Variants in NEGR1 observed in about 807,000 individuals in gnomAD.
NEGR1 encodes the protein IgLON family member 4.
Under a neutral mutation model 40.9 loss-of-function variants are expected in NEGR1, and 10 were observed. The ratio of observed to expected loss-of-function variants is 0.24; its 90% CI spans 0.15 to 0.42. NEGR1 has a LOEUF of 0.42. NEGR1 is among the 10% of genes least tolerant of loss of function. NEGR1 has a pLI of 1.00. For synonymous variants in NEGR1, 185 were observed against 166.8 expected, an observed-to-expected ratio of 1.11 and a Z score of -0.84; for missense variants, 352 against 438.9, an observed-to-expected ratio of 0.80 and a Z score of 1.77.
intron 1 of NEGR1, among the ~76,000 whole-genome samples, chr1:72,163,569 A>G (rs1651664980): frequency 6.6e-6 from 1 of 152,106 alleles, no homozygotes; most frequent in Non-Finnish European, 1.5e-5. Flanking sequence ...TAGGCTCAGT[A>G]TAGATTTAGT....
At chr1:71,690,132 T>A (rs921308771) in intron 4 of NEGR1, among the ~76,000 whole-genome samples, 2 of 151,982 alleles carry the variant, frequency 1.3e-5, no homozygotes, top group Admixed American at 1.3e-4. Flanking sequence ...CACACACATA[T>A]ACACATACAC....
intron 1 of NEGR1, among the ~76,000 whole-genome samples, chr1:72,015,918 A>C (rs1369706735): frequency 6.6e-6 from 1 of 152,132 alleles, no homozygotes; most frequent in Non-Finnish European, 1.5e-5. Context: ...AAGATACCTA[A>C]TCAGTCCTAA....
chr1:71,466,510 A>G (rs1169618437), intron 6 of NEGR1, among the ~76,000 whole-genome samples: 1 of 152,118 alleles, frequency 6.6e-6, no homozygotes, highest in Non-Finnish European at 1.5e-5. Flanking sequence ...GATATGCACT[A>G]TGAAAACAAT....
chr1:71,914,585 C>G (rs1242117306), intron 2 of NEGR1, among the ~76,000 whole-genome samples: 1 of 152,206 alleles, frequency 6.6e-6, no homozygotes, highest in African/African-American at 2.4e-5. Context: ...AGCCCCTTCT[C>G]TCTTTCCTAG....
chr1:71,417,127 T>C (rs1247318616), intron 6 of NEGR1, among the ~76,000 whole-genome samples: 2 of 152,236 alleles, frequency 1.3e-5, no homozygotes, highest in African/African-American at 4.8e-5. Flanking sequence ...AAGTCCTCTT[T>C]TCTCCTACAG....
chr1:72,110,221 TAAA>T lies in NEGR1; in HGVS notation c.176+172095_176+172097del, dbSNP rs57618301. On this transcript the variant is annotated intron_variant, in intron 1 of 6. Transcript: ENST00000357731. Reference sequence around the variant, plus strand: ...ATGTACCCTAAAACTTAGAGTATAATAAAAAAAAAAAAAAAAAAAAAGAATTGT... The same window carrying T: ...ATGTACCCTAAAACTTAGAGTATAATAAAAAAAAAAAAAAAAAAGAATTGT... 6.5e-3 allele frequency among the ~76,000 whole-genome samples: 696 copies of T among 106,952 alleles called. 5 individuals are homozygous for T. Among genetic ancestry groups the T allele is most frequent in the African/African-American group, 0.021 (638 of 30,166 alleles). 70.2% of individuals were successfully genotyped at this position (106,952 alleles called of 152,430 possible).
At chr1:71,655,044 G>T (rs1035708987) in intron 4 of NEGR1, among the ~76,000 whole-genome samples, 1 of 151,968 alleles carries the variant, frequency 6.6e-6, no homozygotes, top group East Asian at 1.9e-4. Context: ...TTTTGGCCAC[G>T]TCCAATTGAA....
intron 2 of NEGR1, among the ~76,000 whole-genome samples, chr1:71,894,242 A>G (rs1302472152): frequency 2.1e-5 from 3 of 144,388 alleles, no homozygotes; most frequent in Admixed American, 2.1e-4. Context: ...AAAAAAAGAA[A>G]AAAAAAAAAA....
intron 4 of NEGR1, among the ~76,000 whole-genome samples, chr1:71,652,121 G>A (rs1651736828): frequency 6.6e-6 from 1 of 152,132 alleles, no homozygotes. Context: ...TAAAAACCAA[G>A]ATATGCCCAA....
intron 1 of NEGR1, among the ~76,000 whole-genome samples, chr1:72,092,290 T>A (rs2821253): frequency 0.32 from 48,419 of 151,924 alleles, 9,962 homozygotes; most frequent in African/African-American, 0.59. Context: ...CTTGGCAAAG[T>A]TTAATAGCAA....
In NEGR1 at chr1:71,680,279, A is replaced by G. The variant is rs377179136; in HGVS notation, c.667+17729T>C. On this transcript the variant is annotated intron_variant, in intron 4 of 6. Coordinates refer to ENST00000357731, the MANE Select transcript of NEGR1 (RefSeq NM_173808.3). ...TATTTTTGGAAAGATATTTTAATCA[A>G]TGACTCCATATCTTTAGTTACATAG... is the stretch of plus-strand genomic sequence containing the variant. Among the ~76,000 whole-genome samples the G allele has an allele frequency of 1.1e-4, 16 of 152,220 alleles. No homozygotes were observed. In the East Asian group the frequency reaches 2.5e-3, roughly 24 times the overall value.
intron 2 of NEGR1, among the ~76,000 whole-genome samples, chr1:71,850,549 A>G (rs1376294340): frequency 8.5e-5 from 13 of 152,112 alleles, no homozygotes; most frequent in Admixed American, 8.5e-4. Context: ...ACAAATTAAA[A>G]TTTCTGCTAA....
intron 1 of NEGR1, among the ~76,000 whole-genome samples, chr1:72,225,776 T>C (rs914161052): frequency 6.6e-6 from 1 of 151,708 alleles, no homozygotes. Flanking sequence ...ATTAGCTTCA[T>C]GTAAGACAGA....
intron 2 of NEGR1, among the ~76,000 whole-genome samples, chr1:71,843,118 G>A (rs897782530): frequency 3.9e-5 from 6 of 152,066 alleles, no homozygotes; most frequent in Admixed American, 6.6e-5. Context: ...AATGAATGTC[G>A]TTATAGTGCC....
chr1:71,854,771 T>A (rs1305336477), intron 2 of NEGR1, among the ~76,000 whole-genome samples: 1 of 152,002 alleles, frequency 6.6e-6, no homozygotes, highest in African/African-American at 2.4e-5. Flanking sequence ...AACCATTAGA[T>A]CTTGTGAGAA....
chr1:72,011,042 G>T (rs1268299537), intron 1 of NEGR1, among the ~76,000 whole-genome samples: 1 of 152,042 alleles, frequency 6.6e-6, no homozygotes, highest in Non-Finnish European at 1.5e-5. Flanking sequence ...AGTAACAAGA[G>T]AAAAATTTAG....
At chr1:71,941,539 T>G (rs1645959571) in intron 1 of NEGR1, among the ~76,000 whole-genome samples, 1 of 152,150 alleles carries the variant, frequency 6.6e-6, no homozygotes, top group Non-Finnish European at 1.5e-5. Flanking sequence ...TATCTTTCTA[T>G]TTTTGCAGGT....
At chr1:71,706,089 C>A (rs1653886912) in intron 3 of NEGR1, among the ~76,000 whole-genome samples, 1 of 152,220 alleles carries the variant, frequency 6.6e-6, no homozygotes, top group Admixed American at 6.5e-5. Flanking sequence ...TTTAAAATAA[C>A]AGTCCTAAAT....
intron 1 of NEGR1, among the ~76,000 whole-genome samples, chr1:72,202,227 T>C (rs1653243866): frequency 6.6e-6 from 1 of 151,942 alleles, no homozygotes; most frequent in African/African-American, 2.4e-5. Context: ...ATGTGTATGT[T>C]CTGCCTGCTC....
Sources: gnomAD v4.1 joint callset for allele counts (sites outside exome capture counted in the v4.1 genomes callset) on GRCh38, gnomAD v4.1.1 for gene constraint, MANE v1.5 for transcripts, NCBI Gene and HGNC (gene_info 2026-07-23, HGNC 2026-07-21) for gene names.